RAP1GAP2: variants seen among roughly 807,000 people sequenced by gnomAD.
RAP1GAP2 encodes rap1 GTPase-activating protein 2.
A neutral mutation model predicts 95.0 loss-of-function variants in RAP1GAP2; 27 were observed. The ratio of observed to expected loss-of-function variants is 0.28; its 90% confidence interval spans 0.21 to 0.39. The LOEUF (loss-of-function observed/expected upper bound fraction) is 0.39. Ranked by LOEUF, RAP1GAP2 falls within the 10% of genes least tolerant of loss-of-function variation. The pLI is 1.00. For synonymous variants in RAP1GAP2, 373 were observed against 380.9 expected (o/e 0.98, Z 0.24); for missense variants, 771 against 970.0 (o/e 0.79, Z 2.72).
At chr17:2,875,569 G>T (rs748477062) in intron 2 of RAP1GAP2, among the ~76,000 whole-genome samples, 3 of 152,162 alleles carry the variant, frequency 2.0e-5, no homozygotes, top group Non-Finnish European at 4.4e-5. Context: ...TGATTACTTA[G>T]CTCATGGAGC....
intron 2 of RAP1GAP2, among the ~76,000 whole-genome samples, chr17:2,862,483 G>T (rs1018293907): frequency 6.6e-6 from 1 of 152,088 alleles, no homozygotes; most frequent in African/African-American, 2.4e-5. Flanking sequence ...GGCCCAGGAA[G>T]TCTCTCAGTC....
chr17:3,032,485 G>A, intron 24 of RAP1GAP2, 36 bp downstream of exon 24: 1 of 1,589,046 alleles, frequency 6.3e-7, no homozygotes, highest in Non-Finnish European at 8.6e-7. Flanking sequence ...GGCCGTGAGG[G>A]GGGACGTGTG....
Position 2,855,894 on chromosome 17 carries a change from A to T in RAP1GAP2, c.81-49390A>T, listed in dbSNP as rs1358254637. On this transcript the variant is annotated intron_variant, in intron 2 of 24. Coordinates refer to ENST00000254695, the MANE Select transcript of RAP1GAP2 (RefSeq NM_015085.5). This position sits in a 1 kb window ranked among gnomAD's most constrained non-coding sequence, Gnocchi z 4.3. ...CTCTCAAAGTGCTGGGATTACAGGC[A>T]TGAGCCACCGTGCCCGGCTGAAGTG... Among the ~76,000 whole-genome samples, 1 of 152,228 alleles carries T rather than the reference A, an allele frequency of 6.6e-6. No individual in the cohort carries two copies. The highest frequency in any genetic ancestry group is 1.5e-5 in the Non-Finnish European group (1 of 68,044).
chr17:2,822,637 T>G (rs796854602), intron 2 of RAP1GAP2, among the ~76,000 whole-genome samples: 39,433 of 134,792 alleles, frequency 0.29, 5,482 homozygotes, highest in South Asian at 0.42. Context: ...GTTTTTTTTT[T>G]TTTTTTTTTT....
intron 2 of RAP1GAP2, among the ~76,000 whole-genome samples, chr17:2,810,017 CCCT>C (rs1189859584): frequency 3.0e-5 from 1 of 33,764 alleles, no homozygotes; most frequent in African/African-American, 2.3e-4. Flanking sequence ...TGTGCTGGGA[CCCT>C]CCCCTCCCCC....
chr17:2,913,897 G>A (rs988830907), intron 3 of RAP1GAP2, among the ~76,000 whole-genome samples: 1 of 151,322 alleles, frequency 6.6e-6, no homozygotes, highest in Admixed American at 6.6e-5. Context: ...TTGAGGTGGA[G>A]TCTCGCTCTG....
intron 10 of RAP1GAP2, among the ~76,000 whole-genome samples, chr17:2,981,754 C>T (rs1283917475): frequency 6.6e-6 from 1 of 152,166 alleles, no homozygotes; most frequent in Non-Finnish European, 1.5e-5. Flanking sequence ...ATATCAGCTT[C>T]CTTTGAATTG....
At position 2,963,350 on chromosome 17, in the gene RAP1GAP2, C is replaced by G. The variant is rs2044426780; in HGVS notation, c.247-80C>G. The G allele has an allele frequency of 1.3e-6, 2 of 1,553,470 alleles. No homozygotes were observed. Among genetic ancestry groups the G allele is most frequent in the Non-Finnish European group, 1.8e-6 (2 of 1,125,316 alleles). On this transcript the variant is annotated intron_variant, in intron 5 of 24. Transcript: ENST00000254695. This position sits in a 1 kb window ranked among gnomAD's most constrained non-coding sequence, Gnocchi z 4.8. ...CAAAGCCCCCCCACAACATATCCCC[C>G]TTGCAAGACCTGGAAACAGTGGTCA...
chr17:2,772,732 G>C (rs987927106), upstream of RAP1GAP2, among the ~76,000 whole-genome samples: 3 of 152,144 alleles, frequency 2.0e-5, no homozygotes, highest in Non-Finnish European at 2.9e-5. Flanking sequence ...GAGGCACAGA[G>C]GTTAAGTTAC....
At chr17:2,880,865 G>A (rs2073259025) in intron 2 of RAP1GAP2, among the ~76,000 whole-genome samples, 1 of 152,138 alleles carries the variant, frequency 6.6e-6, no homozygotes, top group Non-Finnish European at 1.5e-5. Context: ...GGTGGCTCAC[G>A]CCTGGAATCC....
At chr17:2,779,411 C>T (rs547982579) in intron 1 of RAP1GAP2, among the ~76,000 whole-genome samples, 10 of 152,280 alleles carry the variant, frequency 6.6e-5, no homozygotes, top group African/African-American at 9.6e-5. Flanking sequence ...GAGGTGGGTC[C>T]GCATAAGAGG....
chr17:3,022,945 A>G (rs528432703), intron 19 of RAP1GAP2, among the ~76,000 whole-genome samples: 1 of 152,340 alleles, frequency 6.6e-6, no homozygotes, highest in South Asian at 2.1e-4. Flanking sequence ...TCTTCTGTAT[A>G]TGGTTATCCA....
chr17:2,927,343 C>G (rs369248395), intron 3 of RAP1GAP2, among the ~76,000 whole-genome samples: 1 of 151,470 alleles, frequency 6.6e-6, no homozygotes, highest in Non-Finnish European at 1.5e-5. Flanking sequence ...TTAGTAGAGA[C>G]GGGGTTTCAC....
chr17:2,856,624 C>T (rs937709511), intron 2 of RAP1GAP2, among the ~76,000 whole-genome samples: 3 of 152,112 alleles, frequency 2.0e-5, no homozygotes, highest in Non-Finnish European at 4.4e-5. Flanking sequence ...CTGGGCAGAA[C>T]TAGTCTGTGG....
intron 4 of RAP1GAP2, among the ~76,000 whole-genome samples, chr17:2,959,603 T>C (rs1319631527): frequency 6.6e-6 from 1 of 152,172 alleles, no homozygotes; most frequent in Non-Finnish European, 1.5e-5. Flanking sequence ...CTCAGAGCAG[T>C]GAAGCGCCCG....
intron 23 of RAP1GAP2, among the ~76,000 whole-genome samples, chr17:3,031,531 G>T (rs56160479): frequency 1.9e-5 from 2 of 103,054 alleles, no homozygotes; most frequent in East Asian, 3.8e-4. Flanking sequence ...GCCAGACTAT[G>T]GAGAACTCCA....
At chr17:2,960,856 T>C (rs2044292450) in intron 4 of RAP1GAP2, among the ~76,000 whole-genome samples, 1 of 152,230 alleles carries the variant, frequency 6.6e-6, no homozygotes, top group Non-Finnish European at 1.5e-5. Context: ...TTTTCTCAGA[T>C]AGTCTTGGAA....
chr17:2,837,134 C>G (rs1184939609), intron 2 of RAP1GAP2, among the ~76,000 whole-genome samples: 2 of 151,746 alleles, frequency 1.3e-5, no homozygotes, highest in Non-Finnish European at 1.5e-5. Flanking sequence ...ACCTGTAGTC[C>G]TAGACACCCA....
At chr17:2,868,395 C>T (rs559817049) in intron 2 of RAP1GAP2, among the ~76,000 whole-genome samples, 6 of 152,188 alleles carry the variant, frequency 3.9e-5, no homozygotes, top group East Asian at 1.9e-4. Context: ...TGATCTTGAA[C>T]GTACATGGTG....
Sources: gnomAD v4.1 joint callset for allele counts (sites outside exome capture counted in the v4.1 genomes callset) on GRCh38, gnomAD v4.1.1 for gene constraint, Gnocchi (gnomAD v3.1) non-coding constraint, MANE v1.5 for transcripts, NCBI Gene and HGNC (gene_info 2026-07-23, HGNC 2026-07-21) for gene names.